PCED1B: variants seen among roughly 807,000 people sequenced by gnomAD.
The protein encoded by PCED1B is PC-esterase domain containing 1B.
For synonymous variants in PCED1B, 251 were observed against 246.1 expected, an observed-to-expected ratio of 1.02 and a Z score of -0.19; for missense variants, 573 against 573.9, an observed-to-expected ratio of 1.00 and a Z score of 0.02.
At chr12:47,193,075 G>T (rs1942496498) in intron 2 of PCED1B, among the ~76,000 whole-genome samples, 1 of 152,096 alleles carries the variant, frequency 6.6e-6, no homozygotes. Context: ...AATTGTTTTT[G>T]CATGTCTCTC....
At chr12:47,131,562 G>A (rs977677522) in intron 2 of PCED1B, among the ~76,000 whole-genome samples, 9 of 152,126 alleles carry the variant, frequency 5.9e-5, no homozygotes, top group African/African-American at 2.2e-4. Flanking sequence ...AAAATGGAAA[G>A]GGGAGAAAGG....
chr12:47,143,396 C>T (rs1241098178), intron 2 of PCED1B, among the ~76,000 whole-genome samples: 1 of 151,974 alleles, frequency 6.6e-6, no homozygotes, highest in African/African-American at 2.4e-5. Flanking sequence ...ACATACAAAA[C>T]TCAGCTGTGT....
intron 2 of PCED1B, among the ~76,000 whole-genome samples, chr12:47,177,313 A>G (rs1349674267): frequency 6.6e-6 from 1 of 152,224 alleles, no homozygotes; most frequent in Non-Finnish European, 1.5e-5. Context: ...TGTGGAGAAT[A>G]AGGTTGTCAG....
chr12:47,121,562 A>G (rs1939680609), intron 2 of PCED1B, among the ~76,000 whole-genome samples: 1 of 152,178 alleles, frequency 6.6e-6, no homozygotes, highest in African/African-American at 2.4e-5. Flanking sequence ...GTTCTAATAC[A>G]TTTTTTAGTA....
chr12:47,230,525 C>A (rs1010704170), intron 3 of PCED1B, among the ~76,000 whole-genome samples: 2 of 151,312 alleles, frequency 1.3e-5, no homozygotes, highest in Non-Finnish European at 2.9e-5. Flanking sequence ...CTCACTGCAA[C>A]CTCCGCCTCC....
At chr12:47,149,608 A>C (rs1174741010) in intron 2 of PCED1B, among the ~76,000 whole-genome samples, 1 of 152,238 alleles carries the variant, frequency 6.6e-6, no homozygotes, top group Non-Finnish European at 1.5e-5. Context: ...GAGGAGTATC[A>C]CAATCATTTT....
chr12:47,097,330 G>T lies in PCED1B; in HGVS notation c.-608-6783G>T, dbSNP rs986829063. ...GAGCACCCTCTTCCTTTTTCTTACA[G>T]CTCTTTATCCCTAGAGTTTAAAGAA... On this transcript the variant is annotated intron_variant, in intron 1 of 3. Coordinates refer to ENST00000546455, the MANE Select transcript of PCED1B (RefSeq NM_138371.3). 3.9e-5 allele frequency among the ~76,000 whole-genome samples: 6 copies of T among 152,136 alleles called. No homozygotes were observed. In the East Asian group the frequency reaches 1.2e-3, roughly 29 times the overall value.
chr12:47,166,054 C>T (rs1941535535), intron 2 of PCED1B, among the ~76,000 whole-genome samples: 1 of 152,160 alleles, frequency 6.6e-6, no homozygotes, highest in Non-Finnish European at 1.5e-5. Flanking sequence ...AGCTCAAGCC[C>T]TGACCCGGGG....
At chr12:47,232,035 C>T (rs1361315246) in intron 3 of PCED1B, among the ~76,000 whole-genome samples, 1 of 152,204 alleles carries the variant, frequency 6.6e-6, no homozygotes, top group African/African-American at 2.4e-5. Flanking sequence ...TATTTCTGAT[C>T]TGCTTTTAGA....
chr12:47,151,099 A>G (rs1197401027), intron 2 of PCED1B, among the ~76,000 whole-genome samples: 3 of 148,548 alleles, frequency 2.0e-5, no homozygotes, highest in African/African-American at 2.4e-5. Context: ...AACCAATAGG[A>G]TATTATTTTA....
chr12:47,235,719 G>A lies in PCED1B; in HGVS notation c.656G>A (p.Arg219His). 3.7e-6 allele frequency: 6 copies of A among 1,610,796 alleles called. No individual in the cohort carries two copies. Among genetic ancestry groups the A allele is most frequent in the Non-Finnish European group, 5.1e-6 (6 of 1,178,786 alleles). The change falls in exon 4 of 4, where the codon CGC (arginine) becomes CAC (histidine). Residue 219 changes from arginine (R) to histidine (H), a missense_variant. Coordinates refer to ENST00000546455, the MANE Select transcript of PCED1B (RefSeq NM_138371.3). Reference sequence around the variant, plus strand: ...GTACTGGACTTGCATTTCCACTTCCGCCACGCGAGGGAGAACCTGCACTGG... The same window carrying A: ...GTACTGGACTTGCATTTCCACTTCCACCACGCGAGGGAGAACCTGCACTGG... The part of the protein sequence containing the change: ...FDVLDLHFHF[R>H]HARENLHWDG...
intron 2 of PCED1B, among the ~76,000 whole-genome samples, chr12:47,136,200 G>A (rs1940367210): frequency 6.7e-6 from 1 of 148,736 alleles, no homozygotes; most frequent in Non-Finnish European, 1.5e-5. Context: ...TCTGTAAGAT[G>A]CATGATCTTA....
intron 2 of PCED1B, among the ~76,000 whole-genome samples, chr12:47,149,284 C>A (rs1670194911): frequency 6.6e-6 from 1 of 152,186 alleles, no homozygotes; most frequent in African/African-American, 2.4e-5. Context: ...CCAGAGTTAT[C>A]CCCGCTTCAT....
chr12:47,157,488 G>A (rs138647655), intron 2 of PCED1B, among the ~76,000 whole-genome samples: 1 of 152,216 alleles, frequency 6.6e-6, no homozygotes, highest in East Asian at 1.9e-4. Context: ...TACTGGGGAG[G>A]TTGAGGCAGG....
chr12:47,210,431 A>G (rs2137761082), intron 2 of PCED1B: 1 of 152,340 alleles, frequency 6.6e-6, no homozygotes, highest in Middle Eastern at 3.4e-3. Flanking sequence ...CCAGATTCAG[A>G]TAAATGAAAG....
chr12:47,102,465 A>C (rs116460424), intron 1 of PCED1B, among the ~76,000 whole-genome samples: 1 of 152,214 alleles, frequency 6.6e-6, no homozygotes, highest in East Asian at 1.9e-4. Context: ...TTTTCCCTGC[A>C]ACATGATGTC....
At chr12:47,117,583 A>C (rs1030938443) in intron 2 of PCED1B, among the ~76,000 whole-genome samples, 2 of 152,040 alleles carry the variant, frequency 1.3e-5, no homozygotes, top group African/African-American at 4.8e-5. Flanking sequence ...ACATTTTCTT[A>C]ATCCAGTCTA....
At chr12:47,206,897 A>G (rs1314716969) in intron 2 of PCED1B, among the ~76,000 whole-genome samples, 1 of 152,210 alleles carries the variant, frequency 6.6e-6, no homozygotes, top group East Asian at 1.9e-4. Context: ...ACCAACATAA[A>G]TAAATGGTGA....
rs762965267 is a variant in PCED1B at position 47,151,493 on chromosome 12, C to T, written c.-526+47298C>T. Among the ~76,000 whole-genome samples, 60 of 152,160 alleles carry T rather than the reference C, an allele frequency of 3.9e-4. 1 individual carries two copies. Among genetic ancestry groups the T allele is most frequent in the Non-Finnish European group, 7.3e-4 (50 of 68,034 alleles). ...AATGACACATTTCTCAAAGCTTATC[C>T]TGTCATCAAGCAATGTGTGACTGTA... On this transcript the variant is annotated intron_variant, in intron 2 of 3. Transcript: ENST00000546455.
Sources: allele counts gnomAD v4.1 joint callset (sites outside exome capture counted in the v4.1 genomes callset), GRCh38; gene constraint gnomAD v4.1.1; transcripts MANE v1.5; gene names NCBI Gene and HGNC (gene_info 2026-07-23, HGNC 2026-07-21).